The following ARHGAP15 variants were observed in gnomAD, a reference collection of about 807,000 sequenced individuals.
ARHGAP15 encodes Rho GTPase activating protein 15, also known as rho GTPase-activating protein 15.
A neutral mutation model predicts 63.7 loss-of-function variants in ARHGAP15; 51 were observed. The observed-to-expected ratio is 0.80, with a 90% confidence interval of 0.64 to 1.01. ARHGAP15 has a LOEUF of 1.01. ARHGAP15 is among the 50% of genes least tolerant of loss of function. The probability of loss-of-function intolerance (pLI) is 0.00; values close to 1 mark genes in which losing one functional copy is unlikely to be tolerated. For synonymous variants in ARHGAP15, 191 were observed against 193.8 expected, an observed-to-expected ratio of 0.99 and a Z score of 0.12; for missense variants, 560 against 564.6, an observed-to-expected ratio of 0.99 and a Z score of 0.08.
At chr2:143,766,215 CAT>C in intron 13 of ARHGAP15, among the ~76,000 whole-genome samples, 1 of 152,268 alleles carries the variant, frequency 6.6e-6, no homozygotes, top group Admixed American at 6.5e-5. Flanking sequence ...CAAAGTCAAC[CAT>C]AGTCTGAAAG....
intron 8 of ARHGAP15, among the ~76,000 whole-genome samples, chr2:143,475,583 G>A (rs1210002824): frequency 6.6e-6 from 1 of 152,228 alleles, no homozygotes; most frequent in African/African-American, 2.4e-5. Context: ...TGTTCCTCAA[G>A]ACACAGTGGG....
At chr2:143,599,229 T>C (rs1697658064) in intron 11 of ARHGAP15, among the ~76,000 whole-genome samples, 1 of 152,174 alleles carries the variant, frequency 6.6e-6, no homozygotes, top group Non-Finnish European at 1.5e-5. Context: ...TATACCTAGA[T>C]GCTTCTACAA....
intron 13 of ARHGAP15, among the ~76,000 whole-genome samples, chr2:143,748,710 T>G (rs1367274688): frequency 6.6e-6 from 1 of 152,126 alleles, no homozygotes; most frequent in Non-Finnish European, 1.5e-5. Context: ...TCTCTCAAAA[T>G]AAAGATGAAA....
Position 143,342,692 on chromosome 2 carries a change from T to G in ARHGAP15, c.474+92092T>G, listed in dbSNP as rs554842070. The stretch of plus-strand genomic sequence containing the variant: ...GAATTATTTCTTTGTTAAGTCTGTG[T>G]GTCAGAAACTATGCTGGGTTCTGGA... On this transcript the variant is annotated intron_variant, in intron 6 of 13. Coordinates refer to ENST00000295095, the MANE Select transcript of ARHGAP15 (RefSeq NM_018460.4). 1.2e-4 allele frequency among the ~76,000 whole-genome samples: 18 copies of G among 152,222 alleles called. No individual in the cohort carries two copies. The East Asian group carries it at 3.5e-3, about 29-fold the overall frequency.
At chr2:143,262,535 A>ATTTTTTTTTTTTTTTTTTT (rs67267617) in intron 6 of ARHGAP15, among the ~76,000 whole-genome samples, 9 of 90,916 alleles carry the variant, frequency 9.9e-5, no homozygotes, top group Admixed American at 2.5e-4. Context: ...TGAACCTTTG[A>ATTTTTTTTTTTTTTTTTTT]TTTTTTTTTT....
chr2:143,412,460 A>C (rs2105026288), intron 6 of ARHGAP15, among the ~76,000 whole-genome samples: 1 of 152,294 alleles, frequency 6.6e-6, no homozygotes, highest in South Asian at 2.1e-4. Context: ...ATTTATCAGA[A>C]TCAACCTCAA....
rs1457174306 is a variant in ARHGAP15, at chr2:143,637,037, C to G, written c.1138+12770C>G. Among the ~76,000 whole-genome samples the G allele has an allele frequency of 2.0e-5, 3 of 152,086 alleles. No homozygotes were observed. The East Asian group carries it at 5.8e-4, about 29-fold the overall frequency. ...AGAAGGAGTGGGCTCTGATCTTTCC[C>G]TCTTTCTGTAAGGGCACTAATCCTA... On this transcript the variant is annotated intron_variant, in intron 12 of 13. Transcript: ENST00000295095.
At chr2:143,206,161 T>C (rs879907883) in intron 3 of ARHGAP15, among the ~76,000 whole-genome samples, 5 of 152,096 alleles carry the variant, frequency 3.3e-5, no homozygotes, top group Non-Finnish European at 5.9e-5. Context: ...CACATGTTCA[T>C]GTGTTGTTTT....
chr2:143,335,936 G>C lies in ARHGAP15; in HGVS notation c.474+85336G>C, dbSNP rs184325072. 1.5e-3 allele frequency among the ~76,000 whole-genome samples: 225 copies of C among 152,258 alleles called. 1 individual carries two copies. Among genetic ancestry groups the C allele is most frequent in the Middle Eastern group, 6.8e-3 (2 of 294 alleles). On this transcript the variant is annotated intron_variant, in intron 6 of 13. Transcript: ENST00000295095. Reference sequence around the variant, plus strand: ...TCATGATTCCAATAGAAAGCTCCAGGGGAGAGGAAGGAAGCTGGAATAGTA... The same window carrying C: ...TCATGATTCCAATAGAAAGCTCCAGCGGAGAGGAAGGAAGCTGGAATAGTA...
chr2:143,533,610 G>A (rs1334498631), intron 10 of ARHGAP15, among the ~76,000 whole-genome samples: 4 of 152,224 alleles, frequency 2.6e-5, no homozygotes, highest in East Asian at 1.9e-4. Context: ...CAGGAAAGAG[G>A]ATTTTGTTTT....
chr2:143,187,577 T>C (rs988535468), intron 2 of ARHGAP15, among the ~76,000 whole-genome samples: 1 of 152,350 alleles, frequency 6.6e-6, no homozygotes, highest in South Asian at 2.1e-4. Context: ...GCCTCCATCT[T>C]GTAGATGAGG....
chr2:143,319,916 A>G (rs1683928963), intron 6 of ARHGAP15, among the ~76,000 whole-genome samples: 1 of 152,244 alleles, frequency 6.6e-6, no homozygotes, highest in African/African-American at 2.4e-5. Flanking sequence ...ATCGGTAAAA[A>G]TGTAAATGGT....
chr2:143,604,679 A>G (rs1697913265), intron 11 of ARHGAP15, among the ~76,000 whole-genome samples: 1 of 152,174 alleles, frequency 6.6e-6, no homozygotes, highest in Non-Finnish European at 1.5e-5. Context: ...TGTATGTTAT[A>G]TATTCCACTA....
chr2:143,256,803 T>C (rs932113947), intron 6 of ARHGAP15, among the ~76,000 whole-genome samples: 2 of 151,984 alleles, frequency 1.3e-5, no homozygotes, highest in Non-Finnish European at 2.9e-5. Flanking sequence ...ATGTCAGGGG[T>C]ATATAAAGAT....
intron 13 of ARHGAP15, among the ~76,000 whole-genome samples, chr2:143,754,024 G>A (rs1448793727): frequency 6.6e-6 from 1 of 152,132 alleles, no homozygotes; most frequent in Non-Finnish European, 1.5e-5. Flanking sequence ...AGGTGTGCAG[G>A]AAATGTAATT....
intron 2 of ARHGAP15, among the ~76,000 whole-genome samples, chr2:143,197,874 CA>C (rs947932508): frequency 6.6e-6 from 1 of 151,916 alleles, no homozygotes; most frequent in African/African-American, 2.4e-5. Flanking sequence ...TGTACAAATT[CA>C]TAAGTCTGAC....
At chr2:143,672,994 A>C (rs957227646) in intron 12 of ARHGAP15, among the ~76,000 whole-genome samples, 7 of 152,188 alleles carry the variant, frequency 4.6e-5, no homozygotes, top group Admixed American at 3.9e-4. Context: ...ATGAAATTGG[A>C]CACAATATAA....
At position 143,407,999 on chromosome 2, in the gene ARHGAP15, A is replaced by G. The variant is rs1198690357; in HGVS notation, c.475-27602A>G. Among the ~76,000 whole-genome samples, 65 of 67,004 alleles carry G rather than the reference A, an allele frequency of 9.7e-4. 1 individual carries two copies. Among genetic ancestry groups the G allele is most frequent in the South Asian group, 2.7e-3 (5 of 1,856 alleles). 44.0% of individuals were successfully genotyped at this position (67,004 alleles called of 152,430 possible). On this transcript the variant is annotated intron_variant, in intron 6 of 13. Coordinates refer to ENST00000295095, the MANE Select transcript of ARHGAP15 (RefSeq NM_018460.4). The stretch of plus-strand genomic sequence containing the variant: ...GACTTCTGTGTGTGTATATATATAT[A>G]TATATATATATATATATATATATAT...
At chr2:143,268,074 A>G (rs1681084869) in intron 6 of ARHGAP15, among the ~76,000 whole-genome samples, 1 of 151,972 alleles carries the variant, frequency 6.6e-6, no homozygotes, top group South Asian at 2.1e-4. Flanking sequence ...AGTAAAAACT[A>G]CTCTAATTTT....
Sources: allele counts gnomAD v4.1 joint callset (sites outside exome capture counted in the v4.1 genomes callset), GRCh38; gene constraint gnomAD v4.1.1; transcripts MANE v1.5; gene names NCBI Gene and HGNC (gene_info 2026-07-23, HGNC 2026-07-21).